Variants in MSRB3 observed in about 807,000 individuals in gnomAD.
MSRB3 encodes methionine sulfoxide reductase B3.
In MSRB3, 13 loss-of-function variants were observed where a neutral mutation model predicts 21.0. The ratio of observed to expected loss-of-function variants is 0.62; its 90% CI spans 0.40 to 0.98. MSRB3 has a LOEUF of 0.98. Among genes scored for constraint, MSRB3 ranks in the 50% least tolerant of loss-of-function variants. The pLI, the probability that MSRB3 is intolerant of heterozygous loss-of-function variation, is 0.00. For missense variants in MSRB3, 199 were observed against 230.3 expected (o/e 0.86, Z 0.88); for synonymous variants, 87 against 88.6 (o/e 0.98, Z 0.10).
At chr12:65,361,763 A>G (rs2218069) in intron 4 of MSRB3, among the ~76,000 whole-genome samples, 96,008 of 151,902 alleles carry the variant, frequency 0.63, 30,526 homozygotes, top group Middle Eastern at 0.67. Context: ...AAGACGTATA[A>G]TACTATATTT....
intron 5 of MSRB3, among the ~76,000 whole-genome samples, chr12:65,391,524 C>T (rs550502538): frequency 3.5e-4 from 53 of 152,068 alleles, no homozygotes; most frequent in Non-Finnish European, 5.1e-4. Context: ...TTATGTGGGT[C>T]CCCTGGCTCT....
intron 5 of MSRB3, among the ~76,000 whole-genome samples, chr12:65,375,006 C>G (rs1165234150): frequency 7.6e-6 from 1 of 131,520 alleles, no homozygotes; most frequent in Non-Finnish European, 1.6e-5. Context: ...CCCGCCACCA[C>G]GCCTGGCTTT....
chr12:65,407,565 A>T (rs979614774), intron 5 of MSRB3, among the ~76,000 whole-genome samples: 9 of 152,006 alleles, frequency 5.9e-5, no homozygotes, highest in African/African-American at 2.2e-4. Context: ...GTATTCTCTG[A>T]GCTTCCTGGA....
chr12:65,354,908 C>T (rs1356895605), intron 4 of MSRB3, among the ~76,000 whole-genome samples: 1 of 151,704 alleles, frequency 6.6e-6, no homozygotes, highest in Non-Finnish European at 1.5e-5. Flanking sequence ...GGAATTATCC[C>T]AGAAAACGTA....
At chr12:65,342,034 A>G (rs1171129719) in intron 4 of MSRB3, among the ~76,000 whole-genome samples, 5 of 152,118 alleles carry the variant, frequency 3.3e-5, no homozygotes, top group South Asian at 2.1e-4. Flanking sequence ...CAACACTACT[A>G]CAATACAAGT....
intron 5 of MSRB3, among the ~76,000 whole-genome samples, chr12:65,450,406 A>T (rs1227181183): frequency 6.6e-6 from 1 of 152,206 alleles, no homozygotes; most frequent in Non-Finnish European, 1.5e-5. Context: ...ATTTATTGAA[A>T]ATAAGGCATC....
At position 65,354,624 on chromosome 12, in the gene MSRB3, G is replaced by C. The variant is rs183313646; in HGVS notation, c.264-14374G>C. Among the ~76,000 whole-genome samples the C allele has an allele frequency of 1.1e-4, 16 of 151,678 alleles. No individual in the cohort carries two copies. In the East Asian group the frequency reaches 2.9e-3, roughly 28 times the overall value. On this transcript the variant is annotated intron_variant, in intron 4 of 6. Transcript: ENST00000308259. Reference sequence around the variant, plus strand: ...CATTGGTTATTCTATTTAGCCATTCGTTTAATTTTTTTTTAAGAAAGATCT... The same window carrying C: ...CATTGGTTATTCTATTTAGCCATTCCTTTAATTTTTTTTTAAGAAAGATCT...
At chr12:65,293,937 A>C (rs1293167834) in intron 1 of MSRB3, among the ~76,000 whole-genome samples, 2 of 152,124 alleles carry the variant, frequency 1.3e-5, no homozygotes, top group Admixed American at 6.5e-5. Flanking sequence ...CTGTAGGTTT[A>C]CTTTCAGAGC....
chr12:65,329,169 A>G (rs1311308638), intron 4 of MSRB3, among the ~76,000 whole-genome samples: 1 of 152,236 alleles, frequency 6.6e-6, no homozygotes, highest in Admixed American at 6.5e-5. Context: ...TAAAACAGGC[A>G]GCACACTGGA....
chr12:65,291,740 A>G (rs186749752), intron 1 of MSRB3, among the ~76,000 whole-genome samples: 1 of 152,304 alleles, frequency 6.6e-6, no homozygotes, highest in African/African-American at 2.4e-5. Context: ...TAAGTAGACT[A>G]TTTTGTGGTA....
At chr12:65,449,205 A>AT (rs11313276) in intron 5 of MSRB3, among the ~76,000 whole-genome samples, 62,259 of 139,564 alleles carry the variant, frequency 0.45, 14,053 homozygotes, top group South Asian at 0.56. Context: ...ATTTTTTTGT[A>AT]TTTTTTTTTT....
At chr12:65,405,769 C>T (rs143896558) in intron 5 of MSRB3, among the ~76,000 whole-genome samples, 122 of 152,194 alleles carry the variant, frequency 8.0e-4, no homozygotes, top group African/African-American at 2.8e-3. Flanking sequence ...TTGATAATAG[C>T]CATCCTAGCA....
At chr12:65,301,894 T>A (rs1020008554) in intron 1 of MSRB3, among the ~76,000 whole-genome samples, 1 of 152,154 alleles carries the variant, frequency 6.6e-6, no homozygotes, top group Non-Finnish European at 1.5e-5. Flanking sequence ...GAGGATTCAG[T>A]TGTTTTCTAT....
intron 5 of MSRB3, among the ~76,000 whole-genome samples, chr12:65,396,563 T>G (rs1879790732): frequency 6.6e-6 from 1 of 151,842 alleles, no homozygotes; most frequent in African/African-American, 2.4e-5. Context: ...TGGCAGTGCA[T>G]GCCTGTAATC....
At chr12:65,400,950 T>C (rs538173961) in intron 5 of MSRB3, among the ~76,000 whole-genome samples, 2 of 152,350 alleles carry the variant, frequency 1.3e-5, no homozygotes, top group African/African-American at 4.8e-5. Context: ...TGAGTTCTGA[T>C]TGGATTACAC....
intron 5 of MSRB3, among the ~76,000 whole-genome samples, chr12:65,379,177 TCCA>T (rs1878804948): frequency 1.6e-5 from 1 of 60,982 alleles, no homozygotes; most frequent in African/African-American, 4.9e-5. Flanking sequence ...CTTCCATCCA[TCCA>T]TCCATCCATC....
rs959238386 is a variant in MSRB3, at chr12:65,464,297, T to G, written c.*975T>G. ...TCAAAAAATAATAATAATAACAATA[T>G]AAGAACTAGCTGGGCATGGTGGCGC... On this transcript the variant is annotated 3_prime_UTR_variant, in exon 7 of 7. Transcript: ENST00000308259. 1.3e-5 allele frequency: 2 copies of G among 151,600 alleles called. No homozygotes were observed. Among genetic ancestry groups the G allele is most frequent in the African/African-American group, 4.9e-5 (2 of 41,172 alleles). The allele number at this position is 151,600 out of a possible 1,614,324, so 9.4% of individuals were successfully genotyped here.
At chr12:65,428,939 C>G (rs372205217) in intron 5 of MSRB3, among the ~76,000 whole-genome samples, 1 of 152,084 alleles carries the variant, frequency 6.6e-6, no homozygotes, top group East Asian at 1.9e-4. Context: ...ATTATATGCC[C>G]CTTGTAAAAC....
intron 2 of MSRB3, among the ~76,000 whole-genome samples, chr12:65,322,133 C>T (rs1033638180): frequency 7.4e-4 from 113 of 152,106 alleles, no homozygotes; most frequent in Non-Finnish European, 1.6e-4. Context: ...AGCCTTTCAA[C>T]GTTTCATAGA....
Sources: gnomAD v4.1 joint callset for allele counts (sites outside exome capture counted in the v4.1 genomes callset) on GRCh38, gnomAD v4.1.1 for gene constraint, MANE v1.5 for transcripts, NCBI Gene and HGNC (gene_info 2026-07-23, HGNC 2026-07-21) for gene names.